PAK1: variants seen among roughly 807,000 people sequenced by gnomAD.
PAK1 encodes serine/threonine-protein kinase PAK 1.
A neutral mutation model predicts 67.4 loss-of-function variants in PAK1; 29 were observed. That is an observed-to-expected ratio of 0.43 (90% CI 0.32 to 0.59). The LOEUF is 0.59. Among genes scored for constraint, PAK1 ranks in the 20% least tolerant of loss-of-function variants. The pLI, the probability that PAK1 is intolerant of heterozygous loss-of-function variation, is 0.07. For synonymous variants in PAK1, 223 were observed against 237.4 expected, an observed-to-expected ratio of 0.94 and a Z score of 0.56; for missense variants, 337 against 670.7, an observed-to-expected ratio of 0.50 and a Z score of 5.50.
chr11:77,394,635 A>G (rs1391620920), intron 1 of PAK1, among the ~76,000 whole-genome samples: 14 of 152,126 alleles, frequency 9.2e-5, no homozygotes, highest in Non-Finnish European at 1.5e-5. Flanking sequence ...TCACGAGGTC[A>G]AGAGATTGAG....
intron 2 of PAK1, 67 bp from the exon 3 acceptor site, chr11:77,380,061 T>C: frequency 8.2e-7 from 1 of 1,221,150 alleles, no homozygotes; most frequent in South Asian, 1.3e-5. Flanking sequence ...TTATTTTAGC[T>C]CTTTATTGAG....
the PAK1 span, among the ~76,000 whole-genome samples, chr11:77,517,587 T>C: frequency 6.6e-5 from 10 of 152,328 alleles, no homozygotes; most frequent in African/African-American, 2.4e-4. Context: ...AGACGATGTT[T>C]CCACAGACCA....
intron 1 of PAK1, among the ~76,000 whole-genome samples, chr11:77,428,290 G>A (rs1372841799): frequency 1.3e-5 from 2 of 152,122 alleles, no homozygotes; most frequent in Non-Finnish European, 2.9e-5. Context: ...AAGGCCAGGC[G>A]CGGTGGCTCA....
chr11:77,515,775 T>C, the PAK1 span, among the ~76,000 whole-genome samples: 3 of 152,220 alleles, frequency 2.0e-5, no homozygotes, highest in African/African-American at 7.2e-5. Context: ...TGTCTTACTC[T>C]CTCCTCAACT....
chr11:77,430,069 G>A (rs1955789368), intron 1 of PAK1, among the ~76,000 whole-genome samples: 1 of 152,180 alleles, frequency 6.6e-6, no homozygotes, highest in Admixed American at 6.5e-5. Flanking sequence ...GTCACACAGT[G>A]AAGTTAAAGG....
chr11:77,389,841 T>C (rs1442619516), intron 2 of PAK1, among the ~76,000 whole-genome samples: 1 of 152,238 alleles, frequency 6.6e-6, no homozygotes, highest in Non-Finnish European at 1.5e-5. Context: ...CTTTGAAACA[T>C]AAATGTTTTT....
At chr11:77,435,595 G>A (rs1292723903) in intron 1 of PAK1, among the ~76,000 whole-genome samples, 16 of 142,276 alleles carry the variant, frequency 1.1e-4, no homozygotes, top group Admixed American at 1.1e-3. Context: ...CCGGGTTCAC[G>A]CCATTCTCTT....
intron 10 of PAK1, among the ~76,000 whole-genome samples, chr11:77,342,546 C>T (rs1181472314): frequency 6.6e-6 from 1 of 152,152 alleles, no homozygotes; most frequent in African/African-American, 2.4e-5. Context: ...GCTATATTCT[C>T]TGTATAATAA....
At chr11:77,441,865 G>A (rs1956369883) in intron 1 of PAK1, among the ~76,000 whole-genome samples, 1 of 152,298 alleles carries the variant, frequency 6.6e-6, no homozygotes, top group East Asian at 1.9e-4. Context: ...GCTCAGACCT[G>A]CAAGGACCAA....
chr11:77,410,912 A>C (rs916869564), intron 1 of PAK1, among the ~76,000 whole-genome samples: 3 of 152,196 alleles, frequency 2.0e-5, no homozygotes, highest in African/African-American at 7.2e-5. Context: ...TCATTAACTT[A>C]GCAGAATAAG....
intron 10 of PAK1, among the ~76,000 whole-genome samples, chr11:77,342,959 A>G (rs1943855729): frequency 6.6e-6 from 1 of 151,800 alleles, no homozygotes; most frequent in Non-Finnish European, 1.5e-5. Context: ...TGCTAGGAAT[A>G]TTCAAATTCA....
In PAK1 at chr11:77,332,694, C is replaced by G. The variant is rs995181614; in HGVS notation, c.1551+36G>C. The G allele has an allele frequency of 5.0e-6, 8 of 1,589,014 alleles. No individual in the cohort carries two copies. In the African/African-American group the frequency reaches 1.1e-4, roughly 21 times the overall value. On this transcript the variant is annotated intron_variant, in intron 14 of 14. Transcript: ENST00000356341. The stretch of plus-strand genomic sequence containing the variant: ...TAAAAAAGGCCTGGTTTAGTGATTC[C>G]CTGAATTAGGTGCTTCCCTGCATAA...
At chr11:77,355,175 TA>T (rs781536234) in intron 7 of PAK1, among the ~76,000 whole-genome samples, 1 of 152,054 alleles carries the variant, frequency 6.6e-6, no homozygotes, top group Non-Finnish European at 1.5e-5. Flanking sequence ...GAATTAAATT[TA>T]AAAAAAATCA....
chr11:77,431,594 G>C (rs1021538347), intron 1 of PAK1, among the ~76,000 whole-genome samples: 2 of 152,202 alleles, frequency 1.3e-5, no homozygotes, highest in African/African-American at 4.8e-5. Flanking sequence ...TCTGAGATGA[G>C]AGTGCAGTTA....
intron 8 of PAK1, among the ~76,000 whole-genome samples, chr11:77,351,387 A>G (rs1255897717): frequency 6.6e-6 from 1 of 152,100 alleles, no homozygotes; most frequent in Non-Finnish European, 1.5e-5. Flanking sequence ...ATTTACAGGA[A>G]GAAACTCCAG....
chr11:77,448,122 T>C (rs375382533), intron 1 of PAK1, among the ~76,000 whole-genome samples: 24 of 152,246 alleles, frequency 1.6e-4, no homozygotes, highest in African/African-American at 5.5e-4. Context: ...ATCCCAATTC[T>C]GTCTGAGTTA....
the PAK1 span, among the ~76,000 whole-genome samples, chr11:77,514,091 A>T: frequency 6.6e-6 from 1 of 152,200 alleles, no homozygotes; most frequent in Non-Finnish European, 1.5e-5. Flanking sequence ...TAATTTGGAG[A>T]GATTCCAGAG....
chr11:77,400,087 A>G (rs1952464764), intron 1 of PAK1, among the ~76,000 whole-genome samples: 1 of 152,136 alleles, frequency 6.6e-6, no homozygotes, highest in Non-Finnish European at 1.5e-5. Flanking sequence ...CTCTACCCCT[A>G]GAGTCGCTGA....
intron 1 of PAK1, among the ~76,000 whole-genome samples, chr11:77,450,493 C>T (rs1956807436): frequency 6.6e-6 from 1 of 152,290 alleles, no homozygotes; most frequent in Admixed American, 6.5e-5. Context: ...TCCTGCAAAT[C>T]CTTATGATTA....
Sources: allele counts gnomAD v4.1 joint callset (sites outside exome capture counted in the v4.1 genomes callset), GRCh38; gene constraint gnomAD v4.1.1; transcripts MANE v1.5; gene names NCBI Gene and HGNC (gene_info 2026-07-23, HGNC 2026-07-21).